The following UBAC2 variants were observed in gnomAD, a reference collection of about 807,000 sequenced individuals.
The protein encoded by UBAC2 is ubiquitin-associated domain-containing protein 2.
UBAC2 carries 26 observed loss-of-function variants against 44.0 expected under a neutral mutation model. The ratio of observed to expected loss-of-function variants is 0.59; its 90% CI spans 0.43 to 0.82. The LOEUF (loss-of-function observed/expected upper bound fraction) is 0.82, where lower values mean the gene tolerates loss of function less well. Among genes scored for constraint, UBAC2 ranks in the 40% least tolerant of loss-of-function variants. The pLI is 0.00. For synonymous variants in UBAC2, 155 were observed against 154.3 expected, an observed-to-expected ratio of 1.00 and a Z score of -0.04; for missense variants, 329 against 419.4, an observed-to-expected ratio of 0.78 and a Z score of 1.88.
At chr13:99,246,061 T>A (rs936565982) in intron 4 of UBAC2, among the ~76,000 whole-genome samples, 1 of 152,246 alleles carries the variant, frequency 6.6e-6, no homozygotes, top group Non-Finnish European at 1.5e-5. Flanking sequence ...TTTTGAGAAC[T>A]ATTAAGCTAC....
intron 1 of UBAC2, among the ~76,000 whole-genome samples, chr13:99,214,521 GACTGTGAGA>G (rs2042969714): frequency 6.6e-6 from 1 of 152,114 alleles, no homozygotes; most frequent in African/African-American, 2.4e-5. Context: ...GGGGAAGCAG[GACTGTGAGA>G]ACCCCCTGCA....
At chr13:99,223,696 T>C (rs946496756) in intron 1 of UBAC2, among the ~76,000 whole-genome samples, 15 of 152,186 alleles carry the variant, frequency 9.9e-5, no homozygotes, top group African/African-American at 3.6e-4. Flanking sequence ...GCTTCATTTT[T>C]TTATTCTGTT....
At chr13:99,282,598 G>T (rs1425865604) in intron 4 of UBAC2, among the ~76,000 whole-genome samples, 1 of 152,278 alleles carries the variant, frequency 6.6e-6, no homozygotes, top group East Asian at 1.9e-4. Context: ...TAACTGTTGG[G>T]CTAGAATGAT....
chr13:99,264,360 A>G (rs986268207), intron 4 of UBAC2, among the ~76,000 whole-genome samples: 1 of 152,208 alleles, frequency 6.6e-6, no homozygotes, highest in Non-Finnish European at 1.5e-5. Context: ...TAGGGAAGGG[A>G]AAAGAAGCAA....
At chr13:99,382,696 A>G (rs1177498554) in intron 8 of UBAC2, among the ~76,000 whole-genome samples, 2 of 152,220 alleles carry the variant, frequency 1.3e-5, no homozygotes, top group Non-Finnish European at 2.9e-5. Flanking sequence ...GGGAGAAGCT[A>G]TCACCCCACA....
At chr13:99,330,495 G>T (rs533346423) in intron 6 of UBAC2, among the ~76,000 whole-genome samples, 1 of 116,364 alleles carries the variant, frequency 8.6e-6, no homozygotes, top group South Asian at 3.1e-4. Context: ...GTTGATTTCT[G>T]TATTTCGTTC....
chr13:99,239,664 T>G (rs1045514234), intron 2 of UBAC2, among the ~76,000 whole-genome samples: 10 of 152,230 alleles, frequency 6.6e-5, no homozygotes. Context: ...ATCTGTGCTT[T>G]AAAGGTGGTG....
chr13:99,278,990 ACTTTC>A (rs1176704521), intron 4 of UBAC2, among the ~76,000 whole-genome samples: 1 of 152,132 alleles, frequency 6.6e-6, no homozygotes, highest in East Asian at 1.9e-4. Flanking sequence ...GTGAATGTTG[ACTTTC>A]CTTCATGAGT....
chr13:99,331,227 TTTC>T (rs144281094), intron 6 of UBAC2, among the ~76,000 whole-genome samples: 274 of 152,348 alleles, frequency 1.8e-3, no homozygotes, highest in African/African-American at 6.0e-3. Flanking sequence ...CCTTTTGTCC[TTTC>T]TTATTTTTTT....
intron 8 of UBAC2, among the ~76,000 whole-genome samples, chr13:99,368,526 A>G (rs1176616222): frequency 1.3e-5 from 2 of 152,222 alleles, no homozygotes; most frequent in Non-Finnish European, 2.9e-5. Context: ...TGAGTATAGC[A>G]ATTCTAAAAT....
intron 4 of UBAC2, among the ~76,000 whole-genome samples, chr13:99,280,322 A>G (rs769507813): frequency 6.6e-6 from 1 of 152,118 alleles, no homozygotes; most frequent in Non-Finnish European, 1.5e-5. Flanking sequence ...ATTACTCACT[A>G]CTGCCTGTCA....
At position 99,295,626 on chromosome 13, in the gene UBAC2, G is replaced by C; in HGVS notation, c.390-18471G>C. The C allele has an allele frequency of 6.2e-7, 1 of 1,614,160 alleles. No homozygotes were observed. The highest frequency in any genetic ancestry group is 8.5e-7 in the Non-Finnish European group (1 of 1,180,034). On this transcript the variant is annotated intron_variant, in intron 4 of 8. Transcript: ENST00000403766. This position sits in a 1 kb window ranked among gnomAD's most constrained non-coding sequence, Gnocchi z 4.1. The stretch of plus-strand genomic sequence containing the variant: ...ATGCATGTAATCCTTTCAGCCTCCT[G>C]CTTTGACATAGGGTTGATGAGGAGT...
chr13:99,200,967 TGCCCCCTACAC>T, intron 1 of UBAC2, 28 bp downstream of exon 1: 1 of 1,303,502 alleles, frequency 7.7e-7, no homozygotes. Context: ...CCATCCTGGC[TGCCCCCTACAC>T]GCCACCCTAG....
intron 1 of UBAC2, among the ~76,000 whole-genome samples, chr13:99,217,789 C>T (rs959782059): frequency 1.3e-5 from 2 of 152,210 alleles, no homozygotes; most frequent in Non-Finnish European, 2.9e-5. Context: ...TTCAAGGTGT[C>T]TGTGATGTCC....
At chr13:99,274,721 CTTTT>C (rs759649634) in intron 4 of UBAC2, among the ~76,000 whole-genome samples, 1 of 133,746 alleles carries the variant, frequency 7.5e-6, no homozygotes, top group Admixed American at 7.4e-5. Flanking sequence ...CTTTTCTTTT[CTTTT>C]TTTTTTTTTT....
chr13:99,287,643 C>CTTTTTTTTTTTTTTTTTTTTT (rs11304203), intron 4 of UBAC2, among the ~76,000 whole-genome samples: 3 of 95,148 alleles, frequency 3.2e-5, no homozygotes, highest in African/African-American at 9.1e-5. Flanking sequence ...TTTTTTCTTT[C>CTTTTTTTTTTTTTTTTTTTTT]TTTTTTTTTT....
chr13:99,208,256 C>T (rs1165734683), intron 1 of UBAC2, among the ~76,000 whole-genome samples: 1 of 152,186 alleles, frequency 6.6e-6, no homozygotes, highest in Admixed American at 6.5e-5. Flanking sequence ...CTCTGCCTCC[C>T]AAAGTCTTGG....
chr13:99,289,026 G>A (rs553189327), intron 4 of UBAC2, among the ~76,000 whole-genome samples: 5 of 152,196 alleles, frequency 3.3e-5, no homozygotes, highest in African/African-American at 9.7e-5. Context: ...TAGACCGTAC[G>A]ATGGCTGGCA....
intron 4 of UBAC2, among the ~76,000 whole-genome samples, chr13:99,303,954 G>A (rs1286889312): frequency 6.6e-6 from 1 of 152,118 alleles, no homozygotes. Context: ...CCTCAGCCTT[G>A]TGCTCTGCTG....
Sources: gnomAD v4.1 joint callset for allele counts (sites outside exome capture counted in the v4.1 genomes callset) on GRCh38, gnomAD v4.1.1 for gene constraint, Gnocchi (gnomAD v3.1) non-coding constraint, MANE v1.5 for transcripts, NCBI Gene and HGNC (gene_info 2026-07-23, HGNC 2026-07-21) for gene names.